GYPE: variants seen among roughly 807,000 people sequenced by gnomAD.
The protein encoded by GYPE is glycophorin-E.
Under a neutral mutation model 11.6 loss-of-function variants are expected in GYPE, and 8 were observed. That is an observed-to-expected ratio of 0.69 (90% CI 0.41 to 1.25). GYPE has a LOEUF of 1.25. Ranked by LOEUF, GYPE falls within the 50% of genes most tolerant of loss-of-function variation. The probability of loss-of-function intolerance (pLI) is 0.01; values close to 1 mark genes in which losing one functional copy is unlikely to be tolerated. For missense variants in GYPE, 90 were observed against 92.8 expected (o/e 0.97, Z 0.12); for synonymous variants, 28 against 29.6 (o/e 0.94, Z 0.18).
At chr4:143,903,849 G>T (rs1255284569) in intron 1 of GYPE, among the ~76,000 whole-genome samples, 3 of 151,886 alleles carry the variant, frequency 2.0e-5, no homozygotes, top group Admixed American at 6.6e-5. Flanking sequence ...TTCCAAATTT[G>T]GGGCACTTGT....
intron 3 of GYPE, among the ~76,000 whole-genome samples, chr4:143,874,418 G>A (rs929161224): frequency 2.0e-5 from 3 of 152,148 alleles, no homozygotes; most frequent in African/African-American, 7.2e-5. Context: ...TGACTGTAAT[G>A]TCTGAGGTTT....
At chr4:143,873,234 C>A (rs1461267749) in intron 3 of GYPE, 1 of 290,742 alleles carries the variant, frequency 3.4e-6, no homozygotes, top group African/African-American at 2.2e-5. Context: ...TTAAAATATA[C>A]AGCATTTTTA....
chr4:143,872,751 G>A (rs370925231), intron 3 of GYPE, among the ~76,000 whole-genome samples: 20 of 152,206 alleles, frequency 1.3e-4, no homozygotes, highest in East Asian at 7.7e-4. Context: ...AGGCAGTCAA[G>A]CAAAGATATG....
At chr4:143,903,533 AAAAAAAAAAG>A (rs1252237255) in intron 1 of GYPE, among the ~76,000 whole-genome samples, 1 of 150,050 alleles carries the variant, frequency 6.7e-6, no homozygotes, top group African/African-American at 2.5e-5. Flanking sequence ...GCAAAAAAAA[AAAAAAAAAAG>A]AAAAAAAAAG....
At chr4:143,894,085 C>T (rs930235971) in intron 1 of GYPE, among the ~76,000 whole-genome samples, 3 of 152,186 alleles carry the variant, frequency 2.0e-5, no homozygotes, top group Non-Finnish European at 4.4e-5. Flanking sequence ...GATACCCTTT[C>T]TTCCAGTTGA....
intron 3 of GYPE, among the ~76,000 whole-genome samples, chr4:143,873,818 A>C (rs948212253): frequency 2.6e-5 from 4 of 152,098 alleles, no homozygotes; most frequent in Admixed American, 2.6e-4. Context: ...TATAAAAATG[A>C]GAACCACTCA....
At chr4:143,878,620 T>C (rs750932057) in intron 2 of GYPE, 1 of 472,986 alleles carries the variant, frequency 2.1e-6, no homozygotes, top group South Asian at 1.6e-5. Context: ...TTTTGATTCT[T>C]TGTCAAATAT....
intron 2 of GYPE, among the ~76,000 whole-genome samples, chr4:143,877,442 A>C (rs1333755680): frequency 6.6e-6 from 1 of 152,190 alleles, no homozygotes; most frequent in African/African-American, 2.4e-5. Flanking sequence ...ATTCTTATGC[A>C]TAGTCTCCAA....
chr4:143,901,830 A>G (rs1021380675), intron 1 of GYPE, among the ~76,000 whole-genome samples: 21 of 152,030 alleles, frequency 1.4e-4, no homozygotes, highest in African/African-American at 4.8e-4. Context: ...CCTAATTTAA[A>G]ATCACTACGA....
At chr4:143,900,875 G>A (rs1744840697) in intron 1 of GYPE, among the ~76,000 whole-genome samples, 1 of 152,130 alleles carries the variant, frequency 6.6e-6, no homozygotes, top group South Asian at 2.1e-4. Context: ...CTTTTGGAGT[G>A]ATGAAAATGT....
intron 1 of GYPE, among the ~76,000 whole-genome samples, chr4:143,898,148 A>T (rs992104468): frequency 6.6e-6 from 1 of 152,172 alleles, no homozygotes; most frequent in Non-Finnish European, 1.5e-5. Context: ...AGGCCGAGGC[A>T]GGTGGATTGC....
rs1743766791 is a variant in GYPE at position 143,875,621 on chromosome 4, T to C, written c.*9+1125A>G. On this transcript the variant is annotated intron_variant, in intron 3 of 3. Coordinates refer to ENST00000358615, the MANE Select transcript of GYPE (RefSeq NM_198682.3). Reference sequence around the variant, plus strand: ...CAATCCTTCATAGGGTGTAGCCAATTGGAGGCTTCTAAAGGGTACCTAGGG... The same window carrying C: ...CAATCCTTCATAGGGTGTAGCCAATCGGAGGCTTCTAAAGGGTACCTAGGG... The C allele has an allele frequency of 2.6e-6, 4 of 1,509,444 alleles. No homozygotes were observed. In the South Asian group the frequency reaches 4.8e-5, roughly 18 times the overall value. 93.5% of individuals were successfully genotyped at this position (1,509,444 alleles called of 1,614,324 possible). A position where few individuals can be genotyped will look rare whatever the true frequency, so the allele number is the denominator to read the frequency against.
At chr4:143,901,226 G>C (rs902543721) in intron 1 of GYPE, among the ~76,000 whole-genome samples, 1 of 152,028 alleles carries the variant, frequency 6.6e-6, no homozygotes, top group African/African-American at 2.4e-5. Context: ...ATAATAATTT[G>C]GGTTAGACAG....
intron 1 of GYPE, among the ~76,000 whole-genome samples, chr4:143,902,676 T>A (rs1378388824): frequency 1.3e-5 from 2 of 151,904 alleles, no homozygotes; most frequent in African/African-American, 4.8e-5. Flanking sequence ...TCCTTGCTTA[T>A]TCAACCAATA....
chr4:143,894,081 C>G (rs920055313), intron 1 of GYPE, among the ~76,000 whole-genome samples: 1 of 152,124 alleles, frequency 6.6e-6, no homozygotes, highest in Non-Finnish European at 1.5e-5. Flanking sequence ...CACTGATACC[C>G]TTTCTTCCAG....
chr4:143,873,542 A>G (rs1578949609), intron 3 of GYPE: 2 of 447,934 alleles, frequency 4.5e-6, no homozygotes, highest in East Asian at 7.0e-5. Flanking sequence ...GGAGGCTGAT[A>G]TAACATATTC....
At chr4:143,881,430 G>A (rs1041549952) in intron 1 of GYPE, among the ~76,000 whole-genome samples, 1 of 151,984 alleles carries the variant, frequency 6.6e-6, no homozygotes, top group Non-Finnish European at 1.5e-5. Flanking sequence ...AAAGCACAAA[G>A]AATAATATAA....
intron 1 of GYPE, among the ~76,000 whole-genome samples, chr4:143,898,763 A>G (rs181738152): frequency 4.9e-4 from 74 of 152,302 alleles, no homozygotes; most frequent in African/African-American, 1.5e-3. Flanking sequence ...GCATTCCCAT[A>G]TTCCCATACA....
chr4:143,881,299 T>A (rs1744014269), intron 1 of GYPE, among the ~76,000 whole-genome samples: 1 of 152,064 alleles, frequency 6.6e-6, no homozygotes, highest in Non-Finnish European at 1.5e-5. Context: ...AATTAAACAC[T>A]TTTTATTCTT....
Sources: gnomAD v4.1 joint callset for allele counts (sites outside exome capture counted in the v4.1 genomes callset) on GRCh38, gnomAD v4.1.1 for gene constraint, MANE v1.5 for transcripts, NCBI Gene and HGNC (gene_info 2026-07-23, HGNC 2026-07-21) for gene names.